Variants in COL5A2 observed in about 807,000 individuals in gnomAD.
The protein encoded by COL5A2 is collagen alpha-2(V) chain.
In COL5A2, 23 loss-of-function variants were observed where a neutral mutation model predicts 208.2. The observed-to-expected ratio is 0.11, with a 90% CI of 0.08 to 0.16. The LOEUF is 0.16. Among genes scored for constraint, COL5A2 ranks in the 10% least tolerant of loss-of-function variants. The probability of loss-of-function intolerance (pLI) is 1.00; values close to 1 mark genes in which losing one functional copy is unlikely to be tolerated. For synonymous variants in COL5A2, 625 were observed against 628.5 expected (o/e 0.99, Z 0.08); for missense variants, 1,590 against 1,956.4 (o/e 0.81, Z 3.53).
At chr2:189,209,175 C>T (rs1689178283) in intron 1 of COL5A2, among the ~76,000 whole-genome samples, 1 of 151,786 alleles carries the variant, frequency 6.6e-6, no homozygotes, top group Admixed American at 6.6e-5. Flanking sequence ...CCTCTAACAA[C>T]TGATAATCAA....
intron 1 of COL5A2, among the ~76,000 whole-genome samples, chr2:189,144,557 ATATATTATATT>A (rs1688002536): frequency 1.3e-5 from 2 of 151,508 alleles, no homozygotes; most frequent in South Asian, 2.1e-4. Flanking sequence ...TGTTATATGT[ATATATTATATT>A]TATATATTTT....
intron 18 of COL5A2, among the ~76,000 whole-genome samples, chr2:189,070,573 G>A (rs1686252443): frequency 6.6e-6 from 1 of 152,206 alleles, no homozygotes; most frequent in African/African-American, 2.4e-5. Flanking sequence ...AAACACCCAG[G>A]AGGAGAGAGA....
chr2:189,392,993 C>T, the COL5A2 span, among the ~76,000 whole-genome samples: 2 of 152,118 alleles, frequency 1.3e-5, no homozygotes, highest in East Asian at 1.9e-4. Context: ...TATCTTATTG[C>T]TTCTGTTTAC....
intron 1 of COL5A2, among the ~76,000 whole-genome samples, chr2:189,157,162 CA>C (rs1688269332): frequency 7.1e-6 from 1 of 140,774 alleles, no homozygotes. Context: ...ATGTGCTAAG[CA>C]TATATATATC....
chr2:189,196,093 C>T (rs1688998042), intron 1 of COL5A2, among the ~76,000 whole-genome samples: 1 of 152,048 alleles, frequency 6.6e-6, no homozygotes, highest in African/African-American at 2.4e-5. Context: ...CTACAAGGAA[C>T]TTAAACAAAT....
the COL5A2 span, among the ~76,000 whole-genome samples, chr2:189,335,083 C>T: frequency 6.6e-6 from 1 of 152,004 alleles, no homozygotes; most frequent in Admixed American, 6.5e-5. Flanking sequence ...CATTACTGAT[C>T]ATTGATCTAA....
Position 189,086,708 on chromosome 2 carries a change from A to C in COL5A2, c.690+18T>G. On this transcript the variant is annotated intron_variant, in intron 9 of 53. Coordinates refer to ENST00000374866, the MANE Select transcript of COL5A2 (RefSeq NM_000393.5). ...TATGTTTTTCTTACAGCATGTAATT[A>C]ATTATAAAGAGACTTACTTGCTGTC... 6.4e-7 allele frequency: 1 copy of C among 1,558,656 alleles called. No homozygotes were observed. Among genetic ancestry groups the C allele is most frequent in the Non-Finnish European group, 8.8e-7 (1 of 1,142,778 alleles).
At chr2:189,264,224 T>A in the COL5A2 span, among the ~76,000 whole-genome samples, 1 of 151,994 alleles carries the variant, frequency 6.6e-6, no homozygotes, top group African/African-American at 2.4e-5. Flanking sequence ...CAAGAGATAA[T>A]ATTATAAAAT....
chr2:189,310,665 C>G, the COL5A2 span, among the ~76,000 whole-genome samples: 2 of 151,956 alleles, frequency 1.3e-5, no homozygotes, highest in East Asian at 1.9e-4. Context: ...GATTTGGAAG[C>G]AACCTAAGTG....
At chr2:189,107,794 T>C (rs1167679521) in intron 2 of COL5A2, among the ~76,000 whole-genome samples, 1 of 151,688 alleles carries the variant, frequency 6.6e-6, no homozygotes, top group East Asian at 1.9e-4. Context: ...CATATTCTGC[T>C]AAATTATGTT....
At chr2:189,366,313 A>G in the COL5A2 span, among the ~76,000 whole-genome samples, 2 of 152,166 alleles carry the variant, frequency 1.3e-5, no homozygotes, top group African/African-American at 4.8e-5. Flanking sequence ...ATGAACTATT[A>G]TTATCTGTAG....
intron 1 of COL5A2, among the ~76,000 whole-genome samples, chr2:189,202,376 T>C (rs1171968688): frequency 1.3e-5 from 2 of 152,028 alleles, no homozygotes; most frequent in Non-Finnish European, 2.9e-5. Context: ...AGACCAGCAA[T>C]AGACTGTTCA....
the COL5A2 span, among the ~76,000 whole-genome samples, chr2:189,327,450 G>A: frequency 6.6e-6 from 1 of 151,962 alleles, no homozygotes; most frequent in Non-Finnish European, 1.5e-5. Flanking sequence ...AGAGAGAAAG[G>A]GAACAAGAAC....
chr2:189,233,487 G>A, the COL5A2 span, among the ~76,000 whole-genome samples: 2 of 151,380 alleles, frequency 1.3e-5, no homozygotes, highest in African/African-American at 2.4e-5. Flanking sequence ...CACCAGAAAA[G>A]CAAATGTAAT....
chr2:189,351,554 T>C, the COL5A2 span, among the ~76,000 whole-genome samples: 1 of 152,224 alleles, frequency 6.6e-6, no homozygotes, highest in Non-Finnish European at 1.5e-5. Flanking sequence ...TGTGTATGTG[T>C]ATATAAATAA....
At chr2:189,128,108 T>C (rs1390402789) in intron 1 of COL5A2, among the ~76,000 whole-genome samples, 2 of 152,056 alleles carry the variant, frequency 1.3e-5, no homozygotes, top group African/African-American at 4.8e-5. Context: ...GTACCTGATG[T>C]AGCTGCCCAC....
At chr2:189,189,964 A>AT (rs1688902742) in intron 1 of COL5A2, among the ~76,000 whole-genome samples, 1 of 152,170 alleles carries the variant, frequency 6.6e-6, no homozygotes, top group African/African-American at 2.4e-5. Context: ...CATACACTAA[A>AT]TATACATGCA....
the COL5A2 span, among the ~76,000 whole-genome samples, chr2:189,298,454 T>C: frequency 6.6e-6 from 1 of 152,190 alleles, no homozygotes. Context: ...TGCCTCTTCC[T>C]GCTGGGGTCC....
the COL5A2 span, among the ~76,000 whole-genome samples, chr2:189,420,017 T>C: frequency 6.1e-5 from 6 of 98,658 alleles, no homozygotes; most frequent in Middle Eastern, 0.011. Context: ...GAGGAGGAGA[T>C]GAGAGGAGGA....
Sources: gnomAD v4.1 joint callset for allele counts (sites outside exome capture counted in the v4.1 genomes callset) on GRCh38, gnomAD v4.1.1 for gene constraint, MANE v1.5 for transcripts, NCBI Gene and HGNC (gene_info 2026-07-23, HGNC 2026-07-21) for gene names.